The following XXYLT1 variants were observed in gnomAD, a reference collection of about 807,000 sequenced individuals.
XXYLT1 encodes UDP-xylose:alpha-xyloside alpha-1,3-xylosyltransferase.
Under a neutral mutation model 28.9 loss-of-function variants are expected in XXYLT1, and 20 were observed. That is an observed-to-expected ratio of 0.69 (90% CI 0.49 to 1.00). XXYLT1 has a LOEUF of 1.00. XXYLT1 is among the 50% of genes least tolerant of loss of function. The pLI is 0.00. For synonymous variants in XXYLT1, 257 were observed against 253.8 expected (o/e 1.01, Z -0.12); for missense variants, 542 against 560.1 (o/e 0.97, Z 0.33).
At chr3:195,074,669 G>A (rs931523678) in intron 3 of XXYLT1, among the ~76,000 whole-genome samples, 1 of 152,156 alleles carries the variant, frequency 6.6e-6, no homozygotes, top group African/African-American at 2.4e-5. Flanking sequence ...GGGTGATGTC[G>A]GCTAATTTCA....
intron 1 of XXYLT1, among the ~76,000 whole-genome samples, chr3:195,230,624 T>C (rs1724260622): frequency 6.6e-6 from 1 of 152,208 alleles, no homozygotes; most frequent in Admixed American, 6.5e-5. Flanking sequence ...CAGCTTCATT[T>C]ATTAAAGAGA....
chr3:195,145,276 G>T (rs1288056192), intron 3 of XXYLT1, among the ~76,000 whole-genome samples: 1 of 151,892 alleles, frequency 6.6e-6, no homozygotes, highest in Non-Finnish European at 1.5e-5. Flanking sequence ...GAAGCCACGT[G>T]AATGGGCACC....
At chr3:195,254,589 C>T (rs769806971) in intron 1 of XXYLT1, among the ~76,000 whole-genome samples, 2 of 152,220 alleles carry the variant, frequency 1.3e-5, no homozygotes, top group African/African-American at 2.4e-5. Context: ...GCAACAGGCT[C>T]GCAAGGCCCA....
At chr3:195,228,137 A>G (rs1440041143) in intron 1 of XXYLT1, among the ~76,000 whole-genome samples, 1 of 152,106 alleles carries the variant, frequency 6.6e-6, no homozygotes, top group African/African-American at 2.4e-5. Context: ...CTGGTATGTG[A>G]CAGGACAAGC....
At chr3:195,186,846 T>C (rs1010520030) in intron 2 of XXYLT1, among the ~76,000 whole-genome samples, 1 of 151,238 alleles carries the variant, frequency 6.6e-6, no homozygotes, top group Non-Finnish European at 1.5e-5. Context: ...GAAGTGCTGG[T>C]GATAACCTCT....
chr3:195,175,523 A>G (rs1229537248), intron 2 of XXYLT1: 3 of 1,468,318 alleles, frequency 2.0e-6, no homozygotes, highest in African/African-American at 2.8e-5. Context: ...TGCTGCACCC[A>G]TGGGCTGTTC....
intron 1 of XXYLT1, among the ~76,000 whole-genome samples, chr3:195,234,309 A>AT (rs35536915): frequency 0.015 from 1,003 of 66,940 alleles, 80 homozygotes; most frequent in African/African-American, 0.018. Context: ...TGTTTGAAGG[A>AT]TTTTTTTTTT....
intron 3 of XXYLT1, among the ~76,000 whole-genome samples, chr3:195,118,122 T>C (rs1179692623): frequency 6.6e-6 from 1 of 152,248 alleles, no homozygotes; most frequent in Non-Finnish European, 1.5e-5. Flanking sequence ...TTATCTTAAC[T>C]AAACATCCCC....
chr3:195,258,162 T>C (rs1355402442), intron 1 of XXYLT1, among the ~76,000 whole-genome samples: 3 of 152,122 alleles, frequency 2.0e-5, no homozygotes, highest in Non-Finnish European at 4.4e-5. Flanking sequence ...GCTGCTGTGA[T>C]GCTCTGGCAA....
chr3:195,109,645 T>TGGG (rs1717368436), intron 3 of XXYLT1, among the ~76,000 whole-genome samples: 2 of 141,488 alleles, frequency 1.4e-5, no homozygotes, highest in South Asian at 2.3e-4. Flanking sequence ...GTGGTGTGTG[T>TGGG]GGTGTATGTG....
chr3:195,172,421 G>C (rs1721453983), intron 2 of XXYLT1, among the ~76,000 whole-genome samples: 1 of 152,214 alleles, frequency 6.6e-6, no homozygotes. Context: ...TACCAAGCCG[G>C]AACCTCTGAG....
rs544332606 is a variant in XXYLT1, at chr3:195,223,212, G to A, written c.652+3497C>T. Among the ~76,000 whole-genome samples, 8 of 152,216 alleles carry A rather than the reference G, an allele frequency of 5.3e-5. No homozygotes were observed. The East Asian group carries it at 1.4e-3, about 26-fold the overall frequency. ...TGTGCCACTGCACTCCAGCCTGGGC[G>A]AGAGTGAGACTCTGTCTCAAAAAAA... On this transcript the variant is annotated intron_variant, in intron 2 of 3. Transcript: ENST00000310380.
intron 1 of XXYLT1, chr3:195,270,345 C>G: frequency 8.5e-7 from 1 of 1,178,134 alleles, no homozygotes; most frequent in South Asian, 2.0e-5. Context: ...AAAAACGCAG[C>G]TCCACTCCTC....
At chr3:195,096,503 A>G (rs1307863836) in intron 3 of XXYLT1, among the ~76,000 whole-genome samples, 1 of 152,150 alleles carries the variant, frequency 6.6e-6, no homozygotes, top group Non-Finnish European at 1.5e-5. Flanking sequence ...GCTGACAAAC[A>G]CACACGATAC....
rs77089903 is a variant in XXYLT1 at position 195,069,685 on chromosome 3, G to A, written c.*30C>T. ...GAACCCTGTCCTTCCCCCAGATCTG[G>A]AGGCCCCGGGGGCAAGGCACGGGGA... On this transcript the variant is annotated 3_prime_UTR_variant, in exon 4 of 4. Transcript: ENST00000310380. 4,425 of 1,584,482 alleles carry A rather than the reference G, an allele frequency of 2.8e-3. 66 individuals are homozygous for A. The highest frequency in any genetic ancestry group is 0.023 in the South Asian group (1,977 of 86,614).
intron 3 of XXYLT1, among the ~76,000 whole-genome samples, chr3:195,135,548 G>A (rs1719148319): frequency 6.6e-6 from 1 of 152,174 alleles, no homozygotes; most frequent in African/African-American, 2.4e-5. Context: ...ACACTTCCCT[G>A]GAGAACCCAG....
At chr3:195,237,743 TA>T (rs946003699) in intron 1 of XXYLT1, among the ~76,000 whole-genome samples, 54 of 152,288 alleles carry the variant, frequency 3.5e-4, no homozygotes, top group African/African-American at 1.3e-3. Context: ...AAAGCCTTTT[TA>T]AAAATGTCTT....
At chr3:195,126,198 C>A (rs1394926845) in intron 3 of XXYLT1, among the ~76,000 whole-genome samples, 1 of 152,190 alleles carries the variant, frequency 6.6e-6, no homozygotes, top group Non-Finnish European at 1.5e-5. Context: ...GAGGCCCACT[C>A]AGTGCTGCGT....
At position 195,119,295 on chromosome 3, in the gene XXYLT1, A is replaced by C. The variant is rs1718218400; in HGVS notation, c.785+37154T>G. Among the ~76,000 whole-genome samples the C allele has an allele frequency of 3.3e-5, 5 of 151,900 alleles. 1 individual carries two copies. The South Asian group carries it at 1.0e-3, about 31-fold the overall frequency. On this transcript the variant is annotated intron_variant, in intron 3 of 3. Transcript: ENST00000310380. ...CGAGACTCCATCTCAAACAAAAAAA[A>C]AAAAAAAAAAGGAAATAACATATAT...
Sources: gnomAD v4.1 joint callset for allele counts (sites outside exome capture counted in the v4.1 genomes callset) on GRCh38, gnomAD v4.1.1 for gene constraint, MANE v1.5 for transcripts, NCBI Gene and HGNC (gene_info 2026-07-23, HGNC 2026-07-21) for gene names.